The following LRBA variants were observed in gnomAD, a reference collection of about 807,000 sequenced individuals.
The protein encoded by LRBA is LPS responsive beige-like anchor protein, also known as lipopolysaccharide-responsive and beige-like anchor protein.
A neutral mutation model predicts 330.0 loss-of-function variants in LRBA; 176 were observed. The observed-to-expected ratio is 0.53, with a 90% CI of 0.47 to 0.60. The LOEUF is 0.60. Among genes scored for constraint, LRBA ranks in the 20% least tolerant of loss-of-function variants. The pLI is 0.00. For missense variants in LRBA, 3,259 were observed against 3,444.8 expected (o/e 0.95, Z 1.35); for synonymous variants, 1,230 against 1,193.0 (o/e 1.03, Z -0.64).
At chr4:150,623,247 A>G (rs1776491075) in intron 37 of LRBA, among the ~76,000 whole-genome samples, 1 of 152,172 alleles carries the variant, frequency 6.6e-6, no homozygotes, top group Admixed American at 6.5e-5. Context: ...CAAAATTTGT[A>G]TTGCAAATAA....
intron 55 of LRBA, among the ~76,000 whole-genome samples, chr4:150,280,964 C>A (rs1747425304): frequency 6.6e-6 from 1 of 152,156 alleles, no homozygotes; most frequent in Non-Finnish European, 1.5e-5. Context: ...AGCCTAAAAT[C>A]CAGTGGGAAA....
At chr4:150,553,975 GTTCAT>G (rs1766957266) in intron 40 of LRBA, among the ~76,000 whole-genome samples, 1 of 152,160 alleles carries the variant, frequency 6.6e-6, no homozygotes, top group South Asian at 2.1e-4. Flanking sequence ...CTGGTCAAGG[GTTCAT>G]TTAAGAGCAT....
chr4:150,670,947 T>C (rs1433608703), intron 37 of LRBA, among the ~76,000 whole-genome samples: 1 of 152,122 alleles, frequency 6.6e-6, no homozygotes, highest in South Asian at 2.1e-4. Context: ...GGAGCAATTA[T>C]GCTGTTCATT....
intron 17 of LRBA, among the ~76,000 whole-genome samples, chr4:150,874,258 G>A (rs755415059): frequency 2.6e-5 from 4 of 152,146 alleles, no homozygotes; most frequent in East Asian, 1.9e-4. Context: ...CCTAGTTCCC[G>A]AGAGCACTTT....
intron 2 of LRBA, among the ~76,000 whole-genome samples, chr4:150,935,464 A>T (rs1430926572): frequency 1.3e-5 from 2 of 152,064 alleles, no homozygotes; most frequent in East Asian, 1.9e-4. Flanking sequence ...AAGTAAAGAA[A>T]TTTTTTTCCA....
intron 37 of LRBA, among the ~76,000 whole-genome samples, chr4:150,599,549 T>C (rs1773890208): frequency 6.6e-6 from 1 of 152,214 alleles, no homozygotes; most frequent in Admixed American, 6.5e-5. Context: ...GCATTACCTA[T>C]ATTAATCAAA....
At chr4:150,527,497 G>C (rs1377503264) in intron 40 of LRBA, among the ~76,000 whole-genome samples, 1 of 151,918 alleles carries the variant, frequency 6.6e-6, no homozygotes, top group Admixed American at 6.6e-5. Flanking sequence ...ACCAAACAAG[G>C]GACCAATAAG....
chr4:150,718,850 A>T (rs1728574494), intron 36 of LRBA, among the ~76,000 whole-genome samples: 1 of 152,096 alleles, frequency 6.6e-6, no homozygotes, highest in African/African-American at 2.4e-5. Flanking sequence ...TCCTATTCAC[A>T]CGGTCTTTAG....
rs1010709380 is a variant in LRBA at position 150,848,899 on chromosome 4, C to T, written c.4258G>A (p.Ala1420Thr). Reference sequence around the variant, plus strand: ...ATTTCAGTAAAGCCAAGAGAACTTGCAAATATAAGCACATCCACAAGGCTA... The same window carrying T: ...ATTTCAGTAAAGCCAAGAGAACTTGTAAATATAAGCACATCCACAAGGCTA... ...LISLVDVLIF[A>T]SSLGFTEIEA... Residue 1420 changes from alanine to threonine, a missense_variant, in exon 26 of 57, where the codon GCA becomes ACA. By Grantham distance (58) the Ala-to-Thr change is moderately conservative. Transcript: ENST00000651943. 5 of 1,613,014 alleles carry T rather than the reference C, an allele frequency of 3.1e-6. No homozygotes were observed. Among genetic ancestry groups the T allele is most frequent in the Non-Finnish European group, 3.4e-6 (4 of 1,179,462 alleles).
chr4:150,756,167 A>C (rs1436408056), intron 35 of LRBA, among the ~76,000 whole-genome samples: 2 of 152,188 alleles, frequency 1.3e-5, no homozygotes, highest in African/African-American at 2.4e-5. Context: ...TCTCTCTAAG[A>C]CACACAAGTC....
At chr4:150,568,043 C>T (rs896734598) in intron 40 of LRBA, among the ~76,000 whole-genome samples, 17 of 152,238 alleles carry the variant, frequency 1.1e-4, no homozygotes, top group East Asian at 1.9e-4. Flanking sequence ...CTGTGGCTCA[C>T]GCCTGTAATC....
At chr4:150,890,352 A>ATAG (rs1729337106) in intron 17 of LRBA, among the ~76,000 whole-genome samples, 1 of 152,228 alleles carries the variant, frequency 6.6e-6, no homozygotes, top group African/African-American at 2.4e-5. Flanking sequence ...ATCTAGGATC[A>ATAG]GAATTCTCAA....
rs758822190 is a variant in LRBA, at chr4:150,487,840, A to G, written c.6449-6T>C. The G allele has an allele frequency of 9.9e-6, 15 of 1,518,558 alleles. No homozygotes were observed. In the East Asian group the frequency reaches 3.2e-4, roughly 32 times the overall value. 94.1% of individuals were successfully genotyped at this position (1,518,558 alleles called of 1,614,324 possible). A position where few individuals can be genotyped will look rare whatever the true frequency, so the allele number is the denominator to read the frequency against. On this transcript the variant is annotated splice_region_variant and splice_polypyrimidine_tract_variant and intron_variant, in intron 41 of 56. Coordinates refer to ENST00000651943, the MANE Select transcript of LRBA (RefSeq NM_001364905.1). ...GAAGTTGAACATCACAGCAACTACA[A>G]CAGATGATTTTTAAAAATTAGAACA...
chr4:150,634,717 G>A (rs186786521), intron 37 of LRBA, among the ~76,000 whole-genome samples: 1 of 152,054 alleles, frequency 6.6e-6, no homozygotes, highest in Non-Finnish European at 1.5e-5. Context: ...CTGAATCTTG[G>A]CTTCTGTTCT....
chr4:150,266,512 T>A (rs1189670489), intron 56 of LRBA, among the ~76,000 whole-genome samples: 1 of 143,338 alleles, frequency 7.0e-6, no homozygotes, highest in Non-Finnish European at 1.6e-5. Context: ...CATAGCCAGA[T>A]TTTTCTCTGT....
chr4:150,989,936 C>G (rs1320246969), intron 2 of LRBA, among the ~76,000 whole-genome samples: 1 of 151,844 alleles, frequency 6.6e-6, no homozygotes, highest in East Asian at 1.9e-4. Context: ...CCAGCCTGGG[C>G]AACATAGCAA....
At position 150,844,742 on chromosome 4, in the gene LRBA, T is replaced by C. The variant is rs373062327; in HGVS notation, c.4377A>G (p.Gln1459=). ...AVAVRNCLEC[Q]QHSQLKTRGD... ...CCCTAGTTTTCAGTTGTGAATGCTG[T>C]TGACACTCCAAGCAATTCCTTACTG... is the stretch of plus-strand genomic sequence containing the variant. The change falls in exon 27 of 57, where the codon CAA becomes CAG. Residue 1459 remains glutamine, a synonymous_variant. Transcript: ENST00000651943. 114 of 1,613,126 alleles carry C rather than the reference T, an allele frequency of 7.1e-5. No individual in the cohort carries two copies. Among genetic ancestry groups the C allele is most frequent in the Non-Finnish European group, 8.9e-5 (105 of 1,179,270 alleles).
At chr4:150,887,542 G>C (rs1026570172) in intron 17 of LRBA, among the ~76,000 whole-genome samples, 1 of 152,100 alleles carries the variant, frequency 6.6e-6, no homozygotes, top group African/African-American at 2.4e-5. Context: ...GGGAGGCCGA[G>C]GCAGGCAGAT....
At chr4:150,283,414 A>G (rs1747784848) in intron 54 of LRBA, among the ~76,000 whole-genome samples, 1 of 152,150 alleles carries the variant, frequency 6.6e-6, no homozygotes, top group Non-Finnish European at 1.5e-5. Context: ...ATGCAAGGCA[A>G]AGAAGGAATA....
Sources: gnomAD v4.1 joint callset for allele counts (sites outside exome capture counted in the v4.1 genomes callset) on GRCh38, gnomAD v4.1.1 for gene constraint, MANE v1.5 for transcripts, NCBI Gene and HGNC (gene_info 2026-07-23, HGNC 2026-07-21) for gene names.